The following CDH22 variants were observed in gnomAD, a reference collection of about 807,000 sequenced individuals.
CDH22 encodes cadherin-22.
CDH22 carries 30 observed loss-of-function variants against 58.4 expected under a neutral mutation model. That is an observed-to-expected ratio of 0.51 (90% CI 0.38 to 0.70). The LOEUF (loss-of-function observed/expected upper bound fraction) is 0.70, where lower values mean the gene tolerates loss of function less well. Among genes scored for constraint, CDH22 ranks in the 30% least tolerant of loss-of-function variants. The pLI is 0.00. For missense variants in CDH22, 1,014 were observed against 1,233.9 expected (o/e 0.82, Z 2.67); for synonymous variants, 513 against 558.2 (o/e 0.92, Z 1.14).
In CDH22 at chr20:46,263,465, T is replaced by G. The variant is rs77698802; in HGVS notation, c.-399-11772A>C. ...ATGTGTGTGTGTGAAGCAGGGGAGA[T>G]ACATTTACTCATCCAACAACCTCAC... On this transcript the variant is annotated intron_variant, in intron 1 of 11. Transcript: ENST00000537909. Among the ~76,000 whole-genome samples the G allele has an allele frequency of 8.2e-3, 1,252 of 151,758 alleles. 6 individuals are homozygous for G. The highest frequency in any genetic ancestry group is 0.033 in the South Asian group (156 of 4,800).
intron 1 of CDH22, among the ~76,000 whole-genome samples, chr20:46,298,227 C>T (rs956826041): frequency 5.3e-5 from 8 of 152,228 alleles, no homozygotes; most frequent in African/African-American, 1.9e-4. Context: ...CTACAGGCCA[C>T]TGTTCATTCC....
intron 1 of CDH22, among the ~76,000 whole-genome samples, chr20:46,257,308 A>G (rs918165750): frequency 8.5e-5 from 13 of 152,188 alleles, no homozygotes; most frequent in African/African-American, 2.6e-4. Context: ...TCAAGAAAAA[A>G]AAAAAAAATC....
Position 46,198,902 on chromosome 20 carries a change from A to G in CDH22, c.1423+521T>C, listed in dbSNP as rs2085931268. ...CTCATCTCTTAGATGTTCCCCTAAG[A>G]GAAGCAACGCACCTCCTCCTCCCAG... On this transcript the variant is annotated intron_variant, in intron 8 of 11. Transcript: ENST00000537909. Among the ~76,000 whole-genome samples, 2 of 152,072 alleles carry G rather than the reference A, an allele frequency of 1.3e-5. 1 individual carries two copies. Among genetic ancestry groups the G allele is most frequent in the Admixed American group, 1.3e-4 (2 of 15,280 alleles).
chr20:46,297,346 C>A (rs2086633248), intron 1 of CDH22, among the ~76,000 whole-genome samples: 2 of 151,750 alleles, frequency 1.3e-5, no homozygotes, highest in African/African-American at 4.8e-5. Flanking sequence ...GGCAGGCATT[C>A]CAGAAGGTGA....
intron 7 of CDH22, among the ~76,000 whole-genome samples, chr20:46,203,151 G>T (rs80019416): frequency 0.034 from 5,120 of 152,200 alleles, 303 homozygotes; most frequent in African/African-American, 0.12. Flanking sequence ...GGCGGGGGCA[G>T]CGGGGACCCG....
At position 46,258,739 on chromosome 20, in the gene CDH22, C is replaced by T. The variant is rs1048478774; in HGVS notation, c.-399-7046G>A. On this transcript the variant is annotated intron_variant, in intron 1 of 11. Coordinates refer to ENST00000537909, the MANE Select transcript of CDH22 (RefSeq NM_021248.3). ...CATAGCTCCAGTTTCTGGCAGTCAC[C>T]GAGCACCTGCTGTGCTCTGGGTCCT... Among the ~76,000 whole-genome samples the T allele has an allele frequency of 4.6e-5, 7 of 152,324 alleles. No individual in the cohort carries two copies. The South Asian group carries it at 6.2e-4, about 14-fold the overall frequency.
intron 1 of CDH22, among the ~76,000 whole-genome samples, chr20:46,289,800 C>A (rs1317392380): frequency 6.6e-6 from 1 of 152,052 alleles, no homozygotes; most frequent in Non-Finnish European, 1.5e-5. Flanking sequence ...AAACATGAGC[C>A]AAGGAATCTC....
In CDH22 at chr20:46,211,896, C is replaced by T. The variant is rs890799052; in HGVS notation, c.1032+1099G>A. Among the ~76,000 whole-genome samples the T allele has an allele frequency of 2.6e-5, 4 of 151,646 alleles. No individual in the cohort carries two copies. The East Asian group carries it at 5.8e-4, about 22-fold the overall frequency. ...GGGAAAGTTACCGAACTTCTTGGGG[C>T]CTCAGTTTCTCATCTATAAAATGAA... On this transcript the variant is annotated intron_variant, in intron 6 of 11. Coordinates refer to ENST00000537909, the MANE Select transcript of CDH22 (RefSeq NM_021248.3).
At position 46,216,390 on chromosome 20, in the gene CDH22, C is replaced by A. The variant is rs899405273; in HGVS notation, c.838+436G>T. Among the ~76,000 whole-genome samples, 2 of 152,224 alleles carry A rather than the reference C, an allele frequency of 1.3e-5. No individual in the cohort carries two copies. Among genetic ancestry groups the A allele is most frequent in the African/African-American group, 4.8e-5 (2 of 41,460 alleles). ...CTCTATCTGTCTGGGGGCTGAGCTG[C>A]CTCTGCCTAGATCCCTGGGTGCCCC... is the stretch of plus-strand genomic sequence containing the variant. On this transcript the variant is annotated intron_variant, in intron 5 of 11. Coordinates refer to ENST00000537909, the MANE Select transcript of CDH22 (RefSeq NM_021248.3). This position sits in a 1 kb window ranked among gnomAD's most constrained non-coding sequence, Gnocchi z 5.3.
chr20:46,222,867 C>T (rs553909810), intron 4 of CDH22, among the ~76,000 whole-genome samples: 1 of 152,270 alleles, frequency 6.6e-6, no homozygotes, highest in Non-Finnish European at 1.5e-5. Context: ...TCCTCCCAGG[C>T]CCCGTTCCGG....
At chr20:46,204,569 G>C (rs1436425603) in intron 7 of CDH22, among the ~76,000 whole-genome samples, 1 of 152,014 alleles carries the variant, frequency 6.6e-6, no homozygotes, top group Admixed American at 6.6e-5. Flanking sequence ...TGAGCTCTTC[G>C]AATCCTCAGA....
intron 7 of CDH22, among the ~76,000 whole-genome samples, chr20:46,201,236 G>A (rs1299055268): frequency 6.6e-6 from 1 of 152,242 alleles, no homozygotes; most frequent in Non-Finnish European, 1.5e-5. Context: ...TGGTAAGGAG[G>A]GGCCCCTGCG....
chr20:46,186,188 G>T lies in CDH22; in HGVS notation c.1663+400C>A, dbSNP rs2085823683. ...ACTGCACTCCAGCCTGGCTGACAGA[G>T]CGAGACCCTGTCTCAAAAAAAAAAA... On this transcript the variant is annotated intron_variant, in intron 10 of 11. Transcript: ENST00000537909. Among the ~76,000 whole-genome samples, 4 of 146,018 alleles carry T rather than the reference G, an allele frequency of 2.7e-5. No homozygotes were observed. In the South Asian group the frequency reaches 8.8e-4, roughly 32 times the overall value.
chr20:46,217,081 G>T, intron 4 of CDH22, 88 bp from the exon 5 acceptor site: 3 of 1,317,376 alleles, frequency 2.3e-6, no homozygotes, highest in South Asian at 2.8e-5. Flanking sequence ...TTCAGACCCT[G>T]TGACTCCTGG....
chr20:46,219,707 G>C (rs1393783072), intron 4 of CDH22: 1 of 152,228 alleles, frequency 6.6e-6, no homozygotes, highest in African/African-American at 2.4e-5. Flanking sequence ...ATGTGCATTT[G>C]CTCTGTGTCC....
In CDH22 at chr20:46,225,314, A is replaced by G. The variant is rs530592040; in HGVS notation, c.670+2194T>C. Among the ~76,000 whole-genome samples the G allele has an allele frequency of 1.1e-3, 171 of 152,368 alleles. 1 individual carries two copies. Among genetic ancestry groups the G allele is most frequent in the African/African-American group, 3.8e-3 (156 of 41,584 alleles). On this transcript the variant is annotated intron_variant, in intron 4 of 11. Coordinates refer to ENST00000537909, the MANE Select transcript of CDH22 (RefSeq NM_021248.3). ...GTTGTAGCAAAAGATTGGAAACAGC[A>G]TAAGTGTCCATCGGCAGGGGACTGG...
intron 4 of CDH22, among the ~76,000 whole-genome samples, chr20:46,224,891 G>A (rs2086159853): frequency 6.6e-6 from 1 of 152,242 alleles, no homozygotes; most frequent in Non-Finnish European, 1.5e-5. Context: ...GAGTCTGAGT[G>A]ACTGTCAAGA....
At chr20:46,253,098 C>T (rs1358950902) in intron 1 of CDH22, among the ~76,000 whole-genome samples, 1 of 152,204 alleles carries the variant, frequency 6.6e-6, no homozygotes, top group Non-Finnish European at 1.5e-5. Flanking sequence ...TGGCCCTAGC[C>T]AGATCTTCCT....
chr20:46,228,316 C>G (rs2086195264), intron 3 of CDH22, among the ~76,000 whole-genome samples: 1 of 152,202 alleles, frequency 6.6e-6, no homozygotes, highest in Non-Finnish European at 1.5e-5. Context: ...GCCCCTCCCC[C>G]TGGGTGCCCA....
Sources: allele counts gnomAD v4.1 joint callset (sites outside exome capture counted in the v4.1 genomes callset), GRCh38; gene constraint gnomAD v4.1.1; non-coding constraint Gnocchi (gnomAD v3.1); transcripts MANE v1.5; gene names NCBI Gene and HGNC (gene_info 2026-07-23, HGNC 2026-07-21).